ARFGAP2: variants seen among roughly 807,000 people sequenced by gnomAD.
ARFGAP2 encodes the protein ADP-ribosylation factor GTPase-activating protein 2.
Under a neutral mutation model 71.9 loss-of-function variants are expected in ARFGAP2, and 45 were observed. That is an observed-to-expected ratio of 0.63 (90% CI 0.49 to 0.80). ARFGAP2 has a LOEUF of 0.80. Among genes scored for constraint, ARFGAP2 ranks in the 30% least tolerant of loss-of-function variants. ARFGAP2 has a pLI of 0.00. For missense variants in ARFGAP2, 633 were observed against 673.9 expected (o/e 0.94, Z 0.67); for synonymous variants, 248 against 249.2 (o/e 1.00, Z 0.05).
intron 7 of ARFGAP2, 178 bp downstream of exon 7, chr11:47,173,248 G>T: frequency 1.3e-6 from 1 of 758,378 alleles, no homozygotes; most frequent in African/African-American, 1.7e-5. Flanking sequence ...CAAAGGGCTT[G>T]GCTCTAAAAT....
At chr11:47,172,682 C>T in intron 7 of ARFGAP2, 1 of 1,312,384 alleles carries the variant, frequency 7.6e-7, no homozygotes, top group Non-Finnish European at 1.0e-6. Context: ...AGAACAGGGG[C>T]TGGGCTCCCC....
intron 7 of ARFGAP2, chr11:47,172,712 C>T: frequency 7.7e-7 from 1 of 1,302,106 alleles, no homozygotes; most frequent in Non-Finnish European, 1.0e-6. Context: ...TCAGTTACCT[C>T]TGGCAGGAAG....
chr11:47,166,186 G>T (rs1347502227), intron 15 of ARFGAP2, 82 bp downstream of exon 15: 1 of 1,394,794 alleles, frequency 7.2e-7, no homozygotes, highest in Non-Finnish European at 1.0e-6. Context: ...GGCTCAGAGG[G>T]GCTGAGCAGT....
chr11:47,173,726 AG>A (rs1952683577), intron 6 of ARFGAP2, 32 bp downstream of exon 6: 2 of 1,569,768 alleles, frequency 1.3e-6, no homozygotes, highest in Non-Finnish European at 1.7e-6. Context: ...TCCTAGGACC[AG>A]GGCACCTGGT....
chr11:47,176,772 G>A lies in ARFGAP2; in HGVS notation c.72+10C>T. 1 of 1,614,092 alleles carries A rather than the reference G, an allele frequency of 6.2e-7. No individual in the cohort carries two copies. The highest frequency in any genetic ancestry group is 1.1e-5 in the South Asian group (1 of 91,084). ...GGACGAGAGACTCCGCGCGCCCCCT[G>A]CTCACGCACCTTGTTGGTTGGAACT... is the stretch of plus-strand genomic sequence containing the variant. On this transcript the variant is annotated intron_variant, in intron 1 of 15. Coordinates refer to ENST00000524782, the MANE Select transcript of ARFGAP2 (RefSeq NM_032389.6).
rs1240458011 is a variant in ARFGAP2 at position 47,164,342 on chromosome 11, AT to A, written c.*1139del. 3.7e-6 allele frequency: 5 copies of A among 1,336,622 alleles called. No individual in the cohort carries two copies. The highest frequency in any genetic ancestry group is 3.0e-5 in the African/African-American group (2 of 67,336). 82.8% of individuals were successfully genotyped at this position (1,336,622 alleles called of 1,614,324 possible). A position where few individuals can be genotyped will look rare whatever the true frequency, so the allele number is the denominator to read the frequency against. On this transcript the variant is annotated 3_prime_UTR_variant, in exon 16 of 16. Transcript: ENST00000524782. ...GGGAGCCAGGCCCTGCAGGGGCTTT[AT>A]TTTGACACCACTTTGTTTCAATACA...
In ARFGAP2 at chr11:47,171,726, C is replaced by T; in HGVS notation, c.747G>A (p.Gln249=). 6.2e-7 allele frequency: 1 copy of T among 1,614,000 alleles called. No homozygotes were observed. The highest frequency in any genetic ancestry group is 8.5e-7 in the Non-Finnish European group (1 of 1,180,052). Residue 249 remains glutamine (Q), a synonymous_variant, in exon 9 of 16, where the codon CAG becomes CAA. Transcript: ENST00000524782. ...GCTGCTCACGGAGCTTCTCTGCCAC[C>T]TGAGCCTGCCGCTCAATCTCACTGA... The part of the protein sequence containing the change: ...QSFSEIERQA[Q]VAEKLREQQA...
At chr11:47,173,343 G>A (rs1447568117) in intron 7 of ARFGAP2, 83 bp downstream of exon 7, 15 of 1,481,326 alleles carry the variant, frequency 1.0e-5, no homozygotes, top group Admixed American at 3.9e-5. Context: ...CTGTCCACAC[G>A]GCCAGGCAGT....
chr11:47,174,931 T>G, intron 5 of ARFGAP2, 84 bp downstream of exon 5: 1 of 1,435,382 alleles, frequency 7.0e-7, no homozygotes. Context: ...AAATGGAATC[T>G]ACAACCATGA....
chr11:47,166,940 C>A, intron 12 of ARFGAP2, 54 bp from the exon 13 acceptor site: 2 of 1,582,780 alleles, frequency 1.3e-6, no homozygotes, highest in South Asian at 1.1e-5. Context: ...TCAGGGGAGG[C>A]AGAGTACAGA....
chr11:47,165,969 G>A (rs895944814), intron 15 of ARFGAP2, among the ~76,000 whole-genome samples: 3 of 152,054 alleles, frequency 2.0e-5, no homozygotes, highest in East Asian at 3.9e-4. Flanking sequence ...AGGTTCAAGC[G>A]ATTCTCCTGC....
At chr11:47,167,844 A>G in intron 12 of ARFGAP2, 65 bp downstream of exon 12, 4 of 1,500,254 alleles carry the variant, frequency 2.7e-6, no homozygotes, top group Non-Finnish European at 3.5e-6. Flanking sequence ...CTGCCTTAGA[A>G]TTCTCTACCT....
At position 47,171,800 on chromosome 11, in the gene ARFGAP2, G is replaced by C; in HGVS notation, c.673C>G (p.Leu225Val). The change falls in exon 9 of 16, where the codon CTG becomes GTG. Residue 225 changes from leucine to valine, a missense_variant and splice_region_variant. Transcript: ENST00000524782. ...KKKPAAAKKG[L>V]GAKKGLGAQK... The stretch of plus-strand genomic sequence containing the variant: ...GCCCCTAGGCCTTTCTTGGCACCCA[G>C]CTGGGAACAGAATCATGTAAGGGGC... The C allele has an allele frequency of 6.2e-7, 1 of 1,613,460 alleles. No homozygotes were observed. The highest frequency in any genetic ancestry group is 8.5e-7 in the Non-Finnish European group (1 of 1,180,046).
chr11:47,168,234 A>G lies in ARFGAP2; in HGVS notation c.959T>C (p.Val320Ala), dbSNP rs751052486. The change falls in exon 11 of 16, where the codon GTG becomes GCG. Residue 320 changes from valine to alanine, a missense_variant. Physicochemically the swap from Val to Ala is moderately conservative, Grantham distance 64. Transcript: ENST00000524782. ...CTCAATCACCTGCATCTCAGACAGC[A>G]CGGAGTGGGAGACAGAGCTGCGCAG... ...LVSRSSVSHS[V>A]LSEMQVIEQE... The G allele has an allele frequency of 2.5e-6, 4 of 1,614,206 alleles. No individual in the cohort carries two copies. The Admixed American group carries it at 6.7e-5, about 27-fold the overall frequency.
At position 47,174,846 on chromosome 11, in the gene ARFGAP2, G is replaced by A. The variant is rs543280518; in HGVS notation, c.480+169C>T. 1.9e-4 allele frequency: 136 copies of A among 716,756 alleles called. 2 individuals are homozygous for A. In the South Asian group the frequency reaches 2.3e-3, roughly 12 times the overall value. The allele number at this position is 716,756 out of a possible 1,614,324, so 44.4% of individuals were successfully genotyped here. On this transcript the variant is annotated intron_variant, in intron 5 of 15. Transcript: ENST00000524782. ...GGGCTACACTGCACCTCCATTTATGGAGGAGGAAACACCTAGGCCTACCCA... is the reference window on the plus strand; with the variant it reads ...GGGCTACACTGCACCTCCATTTATGAAGGAGGAAACACCTAGGCCTACCCA...
rs1952299678 is a variant in ARFGAP2, at chr11:47,165,174, GA to G, written c.*307del. 5.3e-6 allele frequency: 2 copies of G among 373,934 alleles called. No homozygotes were observed. The highest frequency in any genetic ancestry group is 9.5e-6 in the Non-Finnish European group (2 of 209,964). The allele number at this position is 373,934 out of a possible 1,614,324, so 23.2% of individuals were successfully genotyped here. On this transcript the variant is annotated 3_prime_UTR_variant, in exon 16 of 16. Transcript: ENST00000524782. ...GGACCCAGAATAAGCCATCGTGGGG[GA>G]ACCCCCTTTCCCAGTATGGCAGGAT...
intron 3 of ARFGAP2, 184 bp from the exon 4 acceptor site, chr11:47,175,497 G>T (rs1483060551): frequency 1.1e-6 from 1 of 918,166 alleles, no homozygotes; most frequent in Non-Finnish European, 1.7e-6. Flanking sequence ...CCTTGCAGCG[G>T]GCCATCCTCT....
chr11:47,168,292 G>T, intron 10 of ARFGAP2, 41 bp from the exon 11 acceptor site: 2 of 1,611,868 alleles, frequency 1.2e-6, no homozygotes, highest in Non-Finnish European at 8.5e-7. Context: ...CCAAAGGATA[G>T]GCATCAGCAT....
intron 15 of ARFGAP2, 54 bp downstream of exon 15, chr11:47,166,214 G>A: frequency 1.3e-6 from 2 of 1,564,716 alleles, no homozygotes; most frequent in South Asian, 1.1e-5. Context: ...TCTCTATGTG[G>A]TGGCGAAGGG....
Sources: allele counts gnomAD v4.1 joint callset (sites outside exome capture counted in the v4.1 genomes callset), GRCh38; gene constraint gnomAD v4.1.1; transcripts MANE v1.5; gene names NCBI Gene and HGNC (gene_info 2026-07-23, HGNC 2026-07-21).